Variants in CSMD1 observed in about 807,000 individuals in gnomAD.
The protein encoded by CSMD1 is CUB and Sushi multiple domains 1, also known as CUB and sushi domain-containing protein 1.
In CSMD1, 213 loss-of-function variants were observed where a neutral mutation model predicts 417.5. The ratio of observed to expected loss-of-function variants is 0.51; its 90% confidence interval spans 0.46 to 0.57. The LOEUF is 0.57. Among genes scored for constraint, CSMD1 ranks in the 20% least tolerant of loss-of-function variants. The pLI, the probability that CSMD1 is intolerant of heterozygous loss-of-function variation, is 0.00. For synonymous variants in CSMD1, 2,862 were observed against 1,736.8 expected, an observed-to-expected ratio of 1.65 and a Z score of -16.11; for missense variants, 6,923 against 4,529.7, an observed-to-expected ratio of 1.53 and a Z score of -15.17.
At chr8:4,657,899 T>TA (rs978489033) in intron 1 of CSMD1, among the ~76,000 whole-genome samples, 12 of 151,868 alleles carry the variant, frequency 7.9e-5, no homozygotes, top group South Asian at 2.1e-4. Context: ...ATAGAAGTTA[T>TA]AAAAAAATAC....
chr8:4,033,784 G>C (rs1049697699), intron 3 of CSMD1, among the ~76,000 whole-genome samples: 12 of 152,052 alleles, frequency 7.9e-5, no homozygotes, highest in Non-Finnish European at 2.9e-5. Flanking sequence ...CTTTTTCCTT[G>C]ATATGATTCT....
At chr8:4,542,755 T>C (rs1045819531) in intron 2 of CSMD1, among the ~76,000 whole-genome samples, 10 of 152,126 alleles carry the variant, frequency 6.6e-5, no homozygotes, top group Admixed American at 6.5e-4. Context: ...TAAGTGAAAG[T>C]ACAAAGTAAA....
chr8:4,821,450 T>A (rs1199569528), intron 1 of CSMD1, among the ~76,000 whole-genome samples: 1 of 152,198 alleles, frequency 6.6e-6, no homozygotes, highest in Non-Finnish European at 1.5e-5. Context: ...AATCTCATAC[T>A]ACGCAGTAAG....
intron 1 of CSMD1, among the ~76,000 whole-genome samples, chr8:4,877,288 G>A (rs1354453932): frequency 6.6e-6 from 1 of 151,842 alleles, no homozygotes; most frequent in Non-Finnish European, 1.5e-5. Context: ...GACTATTACA[G>A]GAAATATAAG....
chr8:3,848,383 A>G (rs1028817529), intron 5 of CSMD1, among the ~76,000 whole-genome samples: 1 of 152,166 alleles, frequency 6.6e-6, no homozygotes, highest in South Asian at 2.1e-4. Flanking sequence ...TTTTTTTCTC[A>G]GCCTTCTCTA....
At position 3,223,772 on chromosome 8, in the gene CSMD1, C is replaced by T; in HGVS notation, c.4441G>A (p.Val1481Ile). 2 of 1,613,926 alleles carry T rather than the reference C, an allele frequency of 1.2e-6. No individual in the cohort carries two copies. Among genetic ancestry groups the T allele is most frequent in the South Asian group, 1.1e-5 (1 of 91,086 alleles). Reference protein sequence around the residue: ...YPPGKECDWRVKVNPDFVIAL... With the variant: ...YPPGKECDWRIKVNPDFVIAL... ...ATGACAAAGTCCGGGTTCACTTTTACTCTCCAGTCACATTCCTTCCCAGGA... is the reference window on the plus strand; with the variant it reads ...ATGACAAAGTCCGGGTTCACTTTTATTCTCCAGTCACATTCCTTCCCAGGA... Residue 1481 changes from valine (V) to isoleucine (I), a missense_variant, in exon 28 of 70, where the codon GTA becomes ATA. By Grantham distance (29) the Val-to-Ile change is conservative. Transcript: ENST00000635120.
intron 1 of CSMD1, among the ~76,000 whole-genome samples, chr8:4,873,063 TATG>T (rs1177194236): frequency 1.3e-5 from 2 of 152,082 alleles, no homozygotes; most frequent in Non-Finnish European, 2.9e-5. Flanking sequence ...AGGTGTACAA[TATG>T]ATGTTTTCGT....
At chr8:4,670,080 C>A (rs1805199575) in intron 1 of CSMD1, among the ~76,000 whole-genome samples, 1 of 152,148 alleles carries the variant, frequency 6.6e-6, no homozygotes, top group South Asian at 2.1e-4. Flanking sequence ...TGGTTTGGTG[C>A]CCCCACGTCC....
intron 4 of CSMD1, among the ~76,000 whole-genome samples, chr8:4,002,010 A>C (rs759520312): frequency 6.6e-5 from 10 of 152,236 alleles, no homozygotes; most frequent in Non-Finnish European, 1.3e-4. Context: ...TAATATATGC[A>C]AGATATATTA....
At chr8:3,179,036 C>T (rs1027729271) in intron 37 of CSMD1, among the ~76,000 whole-genome samples, 1 of 151,522 alleles carries the variant, frequency 6.6e-6, no homozygotes, top group African/African-American at 2.4e-5. Context: ...CAAGCTCTGC[C>T]TCCCGGGTTC....
At chr8:4,778,969 T>G (rs1218443693) in intron 1 of CSMD1, among the ~76,000 whole-genome samples, 1 of 152,188 alleles carries the variant, frequency 6.6e-6, no homozygotes, top group Admixed American at 6.5e-5. Flanking sequence ...TTAAGAATGT[T>G]TAGAAAGAAT....
chr8:3,575,964 A>T (rs1275268509), intron 9 of CSMD1, among the ~76,000 whole-genome samples: 2 of 151,880 alleles, frequency 1.3e-5, no homozygotes, highest in Non-Finnish European at 2.9e-5. Context: ...TAATTTCACA[A>T]GAAGAAATTA....
chr8:3,057,460 G>C (rs1275415889), intron 49 of CSMD1, among the ~76,000 whole-genome samples: 4 of 152,100 alleles, frequency 2.6e-5, no homozygotes, highest in African/African-American at 9.7e-5. Flanking sequence ...ATGTGTGTGT[G>C]TTTGTGTATA....
chr8:3,409,621 C>A lies in CSMD1; in HGVS notation c.1562-16G>T, dbSNP rs780826197. On this transcript the variant is annotated splice_polypyrimidine_tract_variant and intron_variant, in intron 12 of 69. Coordinates refer to ENST00000635120, the MANE Select transcript of CSMD1 (RefSeq NM_033225.6). The stretch of plus-strand genomic sequence containing the variant: ...TTTTCAATTTCTGAAAATGGAAAAA[C>A]AAATGAACCCTTAAAAAAACACACA... 1.9e-6 allele frequency: 3 copies of A among 1,547,002 alleles called. No homozygotes were observed. The highest frequency in any genetic ancestry group is 1.4e-5 in the African/African-American group (1 of 73,092).
chr8:4,133,106 T>C (rs531562401), intron 3 of CSMD1, among the ~76,000 whole-genome samples: 2 of 152,122 alleles, frequency 1.3e-5, no homozygotes, highest in Admixed American at 6.5e-5. Context: ...CGGATAATTT[T>C]TCTGTATTTT....
chr8:3,630,248 G>T (rs886398701), intron 7 of CSMD1, among the ~76,000 whole-genome samples: 5 of 152,120 alleles, frequency 3.3e-5, no homozygotes, highest in Non-Finnish European at 5.9e-5. Context: ...TTTTGGATAG[G>T]GTCACAGTTG....
At chr8:4,217,733 T>A (rs930265838) in intron 3 of CSMD1, among the ~76,000 whole-genome samples, 2 of 152,162 alleles carry the variant, frequency 1.3e-5, no homozygotes, top group Non-Finnish European at 2.9e-5. Flanking sequence ...ATGACTTCTA[T>A]ACTCTACGGT....
At chr8:3,931,304 T>A (rs942882496) in intron 5 of CSMD1, among the ~76,000 whole-genome samples, 1 of 150,494 alleles carries the variant, frequency 6.6e-6, no homozygotes, top group African/African-American at 2.5e-5. Context: ...AATTTTCAAA[T>A]AAAATATTTA....
intron 3 of CSMD1, among the ~76,000 whole-genome samples, chr8:4,092,725 C>T (rs1051321510): frequency 1.1e-4 from 16 of 152,062 alleles, no homozygotes; most frequent in African/African-American, 3.9e-4. Flanking sequence ...ATTTTGACAA[C>T]TTTTTAACTT....
Sources: allele counts gnomAD v4.1 joint callset (sites outside exome capture counted in the v4.1 genomes callset), GRCh38; gene constraint gnomAD v4.1.1; transcripts MANE v1.5; gene names NCBI Gene and HGNC (gene_info 2026-07-23, HGNC 2026-07-21).